Variants in PLGRKT observed in about 807,000 individuals in gnomAD.
PLGRKT encodes plasminogen receptor with a C-terminal lysine.
PLGRKT carries 22 observed loss-of-function variants against 18.5 expected under a neutral mutation model. That is an observed-to-expected ratio of 1.19 (90% confidence interval 0.85 to 1.70). PLGRKT has a LOEUF of 1.70. Ranked by LOEUF, PLGRKT falls within the 40% of genes most tolerant of loss-of-function variation. PLGRKT has a pLI of 0.00. For missense variants in PLGRKT, 235 were observed against 174.4 expected (o/e 1.35, Z -1.96); for synonymous variants, 72 against 52.8 (o/e 1.36, Z -1.58).
At chr9:5,402,703 C>G (rs1166499236) in intron 3 of PLGRKT, among the ~76,000 whole-genome samples, 1 of 151,940 alleles carries the variant, frequency 6.6e-6, no homozygotes, top group Non-Finnish European at 1.5e-5. Context: ...CAGGTCTCCA[C>G]CCAACTTATG....
At chr9:5,409,683 G>A (rs550656783) in intron 3 of PLGRKT, among the ~76,000 whole-genome samples, 193 of 152,326 alleles carry the variant, frequency 1.3e-3, no homozygotes, top group African/African-American at 2.8e-3. Context: ...AAAGCCTTGG[G>A]AGCCCATCCC....
chr9:5,434,679 C>A (rs192412599), intron 2 of PLGRKT, among the ~76,000 whole-genome samples: 1 of 150,450 alleles, frequency 6.6e-6, no homozygotes, highest in Non-Finnish European at 1.5e-5. Flanking sequence ...GCCGCCACCC[C>A]GTCTGGGAAG....
chr9:5,406,517 C>A (rs1818260219), intron 3 of PLGRKT, among the ~76,000 whole-genome samples: 1 of 151,892 alleles, frequency 6.6e-6, no homozygotes, highest in Non-Finnish European at 1.5e-5. Flanking sequence ...GAACAGAAAA[C>A]CAAACACTGC....
At chr9:5,364,840 C>A (rs1817348351) in intron 3 of PLGRKT, among the ~76,000 whole-genome samples, 1 of 152,124 alleles carries the variant, frequency 6.6e-6, no homozygotes, top group Admixed American at 6.5e-5. Context: ...AGATTACAAA[C>A]AAGCAAGAGG....
chr9:5,369,937 A>C (rs538837328), intron 3 of PLGRKT, among the ~76,000 whole-genome samples: 1 of 151,578 alleles, frequency 6.6e-6, no homozygotes, highest in South Asian at 2.1e-4. Context: ...AGGGCCTGTC[A>C]TGGGGTAGGG....
At chr9:5,358,444 A>G in intron 5 of PLGRKT, 84 bp from the exon 6 acceptor site, 1 of 1,206,730 alleles carries the variant, frequency 8.3e-7, no homozygotes, top group Non-Finnish European at 1.2e-6. Context: ...ATTCCTTGAC[A>G]GGCTCTAACA....
intron 3 of PLGRKT, chr9:5,392,357 T>C (rs988447807): frequency 6.6e-6 from 1 of 152,002 alleles, no homozygotes; most frequent in Non-Finnish European, 1.5e-5. Context: ...TCTTTATTTC[T>C]ACAACTTATC....
At chr9:5,381,631 G>C (rs185435620) in intron 3 of PLGRKT, among the ~76,000 whole-genome samples, 2 of 152,254 alleles carry the variant, frequency 1.3e-5, no homozygotes, top group Admixed American at 6.5e-5. Context: ...TTTTTCACAC[G>C]GCTATAAATA....
At chr9:5,384,718 T>C (rs1312955594) in intron 3 of PLGRKT, among the ~76,000 whole-genome samples, 3 of 151,782 alleles carry the variant, frequency 2.0e-5, no homozygotes, top group Admixed American at 6.6e-5. Context: ...GGGTCATAAG[T>C]TAGAAATTCA....
At chr9:5,438,246 C>A (rs952406701), upstream of PLGRKT, among the ~76,000 whole-genome samples, 1 of 152,196 alleles carries the variant, frequency 6.6e-6, no homozygotes, top group Non-Finnish European at 1.5e-5. Context: ...TCTTTCTCCC[C>A]TGCTGCTCAG....
At chr9:5,410,687 T>G (rs182802383) in intron 3 of PLGRKT, among the ~76,000 whole-genome samples, 1 of 152,230 alleles carries the variant, frequency 6.6e-6, no homozygotes, top group Non-Finnish European at 1.5e-5. Flanking sequence ...TGTCTAACAC[T>G]ATTGTCTGTT....
intron 3 of PLGRKT, among the ~76,000 whole-genome samples, chr9:5,376,243 TACG>T (rs1817624927): frequency 6.6e-6 from 1 of 152,120 alleles, no homozygotes; most frequent in Non-Finnish European, 1.5e-5. Flanking sequence ...TTCATTTGGT[TACG>T]ATGGAAATGT....
In PLGRKT at chr9:5,361,163, G is replaced by A. The variant is rs760392065; in HGVS notation, c.237C>T (p.Ala79=). ...TAGAIKKKKP[A]FLVPIVPLSF... ...TTAATGGAACAATCGGGACCAGGAA[G>A]GCTGGCTTCTTTTTTTTAATCGCTC... is the stretch of plus-strand genomic sequence containing the variant. The change falls in exon 5 of 6, where the codon GCC becomes GCT. Residue 79 remains alanine, a synonymous_variant. Transcript: ENST00000223864. 10 of 1,608,146 alleles carry A rather than the reference G, an allele frequency of 6.2e-6. No individual in the cohort carries two copies. The highest frequency in any genetic ancestry group is 4.4e-5 in the South Asian group (4 of 90,272).
intron 3 of PLGRKT, among the ~76,000 whole-genome samples, chr9:5,371,408 G>C (rs932221154): frequency 4.6e-5 from 7 of 152,142 alleles, no homozygotes; most frequent in African/African-American, 1.4e-4. Flanking sequence ...ATTGAATCAT[G>C]GGGGCCAGTT....
chr9:5,437,663 G>C (rs928293262), intron 1 of PLGRKT, 126 bp downstream of exon 1: 1 of 152,352 alleles, frequency 6.6e-6, no homozygotes, highest in Non-Finnish European at 1.5e-5. Context: ...CGAGAGCCAA[G>C]AGCCGGCGCT....
intron 3 of PLGRKT, among the ~76,000 whole-genome samples, chr9:5,417,844 C>T (rs930130820): frequency 1.3e-5 from 2 of 151,886 alleles, no homozygotes; most frequent in Non-Finnish European, 2.9e-5. Context: ...GTTTTGCTGC[C>T]ATTCAAAATG....
chr9:5,408,565 G>T (rs927229977), intron 3 of PLGRKT, among the ~76,000 whole-genome samples: 1 of 152,194 alleles, frequency 6.6e-6, no homozygotes, highest in Non-Finnish European at 1.5e-5. Context: ...TATTTAAAAG[G>T]GAGCATAAAA....
At chr9:5,368,604 C>T (rs1379354877) in intron 3 of PLGRKT, among the ~76,000 whole-genome samples, 1 of 152,072 alleles carries the variant, frequency 6.6e-6, no homozygotes, top group Non-Finnish European at 1.5e-5. Context: ...GGGAGGGAAG[C>T]AAGTGATGAA....
At chr9:5,416,557 AC>A (rs1818461702) in intron 3 of PLGRKT, among the ~76,000 whole-genome samples, 1 of 151,998 alleles carries the variant, frequency 6.6e-6, no homozygotes, top group African/African-American at 2.4e-5. Flanking sequence ...AAAGCAATCC[AC>A]CCCCTTGCCC....
Sources: gnomAD v4.1 joint callset for allele counts (sites outside exome capture counted in the v4.1 genomes callset) on GRCh38, gnomAD v4.1.1 for gene constraint, MANE v1.5 for transcripts, NCBI Gene and HGNC (gene_info 2026-07-23, HGNC 2026-07-21) for gene names.